PACS2: variants seen among roughly 807,000 people sequenced by gnomAD.
PACS2 encodes phosphofurin acidic cluster sorting protein 2, also known as PACS1-like protein.
Under a neutral mutation model 113.0 loss-of-function variants are expected in PACS2, and 36 were observed. The ratio of observed to expected loss-of-function variants is 0.32; its 90% CI spans 0.24 to 0.42. The LOEUF (loss-of-function observed/expected upper bound fraction) is 0.42, where lower values mean the gene tolerates loss of function less well. Among genes scored for constraint, PACS2 ranks in the 10% least tolerant of loss-of-function variants. PACS2 has a pLI of 1.00. For synonymous variants in PACS2, 589 were observed against 536.1 expected (o/e 1.10, Z -1.36); for missense variants, 1,015 against 1,239.5 (o/e 0.82, Z 2.72).
At position 105,354,336 on chromosome 14, in the gene PACS2, A is replaced by G. The variant is rs1366676698; in HGVS notation, c.298-716A>G. On this transcript the variant is annotated intron_variant, in intron 3 of 24. Transcript: ENST00000447393. This position sits in a 1 kb window ranked among gnomAD's most constrained non-coding sequence, Gnocchi z 4.2. Reference sequence around the variant, plus strand: ...AGGGTGGTCTCGAACTCCCTACCTCAGGTGATCCGCCCAGCTTGGCCTCCC... The same window carrying G: ...AGGGTGGTCTCGAACTCCCTACCTCGGGTGATCCGCCCAGCTTGGCCTCCC... Among the ~76,000 whole-genome samples the G allele has an allele frequency of 6.6e-6, 1 of 152,026 alleles. No individual in the cohort carries two copies. Among genetic ancestry groups the G allele is most frequent in the East Asian group, 1.9e-4 (1 of 5,134 alleles).
At chr14:105,373,043 C>T (rs2061214367) in intron 8 of PACS2, 1 of 152,168 alleles carries the variant, frequency 6.6e-6, no homozygotes. Context: ...GAGTAAGACT[C>T]ATACAGTGAA....
chr14:105,300,800 G>A (rs2057982748), exon 1 of PACS2: 3 of 315,744 alleles, frequency 9.5e-6, no homozygotes, highest in South Asian at 2.7e-4. Flanking sequence ...CGCCCGGGCC[G>A]CGCCGCCCGC....
intron 19 of PACS2, 41 bp from the exon 20 acceptor site, chr14:105,389,920 T>C: frequency 6.3e-7 from 1 of 1,585,618 alleles, no homozygotes; most frequent in East Asian, 2.2e-5. Flanking sequence ...GGCGGGGCTG[T>C]GCCCTGAGGA....
At position 105,352,486 on chromosome 14, in the gene PACS2, G is replaced by A; in HGVS notation, c.297+19G>A. ...CTTGCAGGTGAGTCTTTCACCAGTGGTGACGACACCCTCATCACTGTCCCC... is the reference window on the plus strand; with the variant it reads ...CTTGCAGGTGAGTCTTTCACCAGTGATGACGACACCCTCATCACTGTCCCC... On this transcript the variant is annotated intron_variant, in intron 3 of 24. Coordinates refer to ENST00000447393, the MANE Select transcript of PACS2 (RefSeq NM_001100913.3). 2 of 1,487,246 alleles carry A rather than the reference G, an allele frequency of 1.3e-6. No homozygotes were observed. The highest frequency in any genetic ancestry group is 1.9e-6 in the Non-Finnish European group (2 of 1,064,992). 92.1% of individuals were successfully genotyped at this position (1,487,246 alleles called of 1,614,324 possible).
At chr14:105,334,585 G>A (rs1200024269) in intron 1 of PACS2, among the ~76,000 whole-genome samples, 1 of 151,848 alleles carries the variant, frequency 6.6e-6, no homozygotes, top group Non-Finnish European at 1.5e-5. Flanking sequence ...CAGTATGTGC[G>A]TAGAGCTCCA....
chr14:105,367,972 CG>C (rs2060999364), intron 5 of PACS2, 101 bp from the exon 6 acceptor site: 1 of 774,614 alleles, frequency 1.3e-6, no homozygotes, highest in Admixed American at 2.0e-5. Context: ...TCCACCTCCT[CG>C]CTGCCCCCAC....
chr14:105,383,642 C>A, intron 16 of PACS2, 129 bp downstream of exon 16: 2 of 814,248 alleles, frequency 2.5e-6, no homozygotes, highest in Admixed American at 3.0e-5. Flanking sequence ...TGGTGTGGCG[C>A]GGTGTGGCAT....
intron 9 of PACS2, among the ~76,000 whole-genome samples, chr14:105,377,275 C>T (rs1453370631): frequency 6.6e-6 from 1 of 152,086 alleles, no homozygotes; most frequent in African/African-American, 2.4e-5. Context: ...AGGGGACCTC[C>T]GTTCACTCAG....
Position 105,368,136 on chromosome 14 carries a change from G to C in PACS2, c.649G>C (p.Val217Leu). The change falls in exon 6 of 25, where the codon GTG (valine) becomes CTG (leucine). Residue 217 changes from valine to leucine, a missense_variant. Transcript: ENST00000447393. ...SSEQEASDDA[V>L]QGQDLDEDDF... is the part of the protein sequence containing the mutation. ...CGAGCAGGAGGCCAGTGACGACGCC[G>C]TGCAGGGGCAGGTGACCTGGGGCCG... 6.2e-7 allele frequency: 1 copy of C among 1,607,700 alleles called. No individual in the cohort carries two copies. Among genetic ancestry groups the C allele is most frequent in the Non-Finnish European group, 8.5e-7 (1 of 1,176,688 alleles).
rs117876793 is a variant in PACS2, at chr14:105,387,217, A to G, written c.2033+1500A>G. Among the ~76,000 whole-genome samples the G allele has an allele frequency of 4.4e-3, 664 of 152,306 alleles. 2 individuals carry two copies. The highest frequency in any genetic ancestry group is 7.8e-3 in the Non-Finnish European group (529 of 67,998). The stretch of plus-strand genomic sequence containing the variant: ...GCTGAGAGAGTGCAGGCGGTGGCAC[A>G]GCCCTTGTGACGGGGGACCTGTGCA... On this transcript the variant is annotated intron_variant, in intron 19 of 24. Transcript: ENST00000447393.
At chr14:105,304,742 A>G (rs1331098949) in intron 1 of PACS2, among the ~76,000 whole-genome samples, 1 of 152,258 alleles carries the variant, frequency 6.6e-6, no homozygotes, top group African/African-American at 2.4e-5. Context: ...CCTCACAATC[A>G]TGGAGGAAGG....
Position 105,315,516 on chromosome 14 carries a change from A to T in PACS2, c.119+479A>T, listed in dbSNP as rs2058558488. 1 of 152,196 alleles carries T rather than the reference A, an allele frequency of 6.6e-6. No individual in the cohort carries two copies. 9.4% of individuals were successfully genotyped at this position (152,196 alleles called of 1,614,324 possible). On this transcript the variant is annotated intron_variant, in intron 1 of 24. Transcript: ENST00000447393. This position sits in a 1 kb window ranked among gnomAD's most constrained non-coding sequence, Gnocchi z 4.4. ...ATCCTCCGTCCAGCGCGCGGTGGAG[A>T]TGCCCTGTCCTGCGGGGCGGGGTCG...
chr14:105,356,169 C>T lies in PACS2; in HGVS notation c.423+992C>T, dbSNP rs1415481962. Among the ~76,000 whole-genome samples the T allele has an allele frequency of 6.6e-6, 1 of 152,094 alleles. No individual in the cohort carries two copies. ...CCACTTGTAGCTGGTTCCCCCACAC[C>T]CCCAGGCCCAGCCTGCAGGCCTCCT... is the stretch of plus-strand genomic sequence containing the variant. On this transcript the variant is annotated intron_variant, in intron 4 of 24. Transcript: ENST00000447393. The surrounding 1 kb of genome is among the most constrained non-coding windows in gnomAD (Gnocchi z 4.0).
At chr14:105,306,965 A>G (rs1329954897) in intron 1 of PACS2, among the ~76,000 whole-genome samples, 1 of 149,354 alleles carries the variant, frequency 6.7e-6, no homozygotes, top group Non-Finnish European at 1.5e-5. Context: ...CTAGAGAGGG[A>G]CTCCCCTCCC....
At chr14:105,350,245 G>A (rs1204382504) in intron 2 of PACS2, among the ~76,000 whole-genome samples, 1 of 152,152 alleles carries the variant, frequency 6.6e-6, no homozygotes, top group Non-Finnish European at 1.5e-5. Context: ...GGCTTGGGGG[G>A]CAGGGGTCAG....
chr14:105,384,807 A>T lies in PACS2; in HGVS notation c.1892-72A>T. On this transcript the variant is annotated intron_variant, in intron 17 of 24. Coordinates refer to ENST00000447393, the MANE Select transcript of PACS2 (RefSeq NM_001100913.3). Reference sequence around the variant, plus strand: ...GGGAGGCCTGGGCGGGGCACCGGGGAGGCCCAGCTTAGCCCCGCCTGCAAC... The same window carrying T: ...GGGAGGCCTGGGCGGGGCACCGGGGTGGCCCAGCTTAGCCCCGCCTGCAAC... 3 of 978,782 alleles carry T rather than the reference A, an allele frequency of 3.1e-6. No individual in the cohort carries two copies. The South Asian group carries it at 4.2e-5, about 14-fold the overall frequency. 60.6% of individuals were successfully genotyped at this position (978,782 alleles called of 1,614,324 possible).
chr14:105,314,319 T>G (rs1372791209), upstream of PACS2: 5 of 150,128 alleles, frequency 3.3e-5, no homozygotes, highest in African/African-American at 1.2e-4. Context: ...GGCGGGAAAG[T>G]GTCGAGGCCG....
chr14:105,333,370 C>T (rs587607341), intron 1 of PACS2, among the ~76,000 whole-genome samples: 2 of 152,340 alleles, frequency 1.3e-5, no homozygotes, highest in South Asian at 2.1e-4. Flanking sequence ...GTTCCCATGG[C>T]GCCACTGCTG....
At chr14:105,314,613 C>T (rs1030154977), upstream of PACS2, 4 of 144,224 alleles carry the variant, frequency 2.8e-5, no homozygotes, top group African/African-American at 5.0e-5. Flanking sequence ...GCGATTGGAC[C>T]CGAGGCGGCG....
Sources: gnomAD v4.1 joint callset for allele counts (sites outside exome capture counted in the v4.1 genomes callset) on GRCh38, gnomAD v4.1.1 for gene constraint, Gnocchi (gnomAD v3.1) non-coding constraint, MANE v1.5 for transcripts, NCBI Gene and HGNC (gene_info 2026-07-23, HGNC 2026-07-21) for gene names.